Variants in ACVR2B observed in about 807,000 individuals in gnomAD.
The protein encoded by ACVR2B is activin receptor type-2B.
ACVR2B carries 18 observed loss-of-function variants against 65.1 expected under a neutral mutation model. That is an observed-to-expected ratio of 0.28 (90% CI 0.19 to 0.41). The LOEUF (loss-of-function observed/expected upper bound fraction) is 0.41, where lower values mean the gene tolerates loss of function less well. Among genes scored for constraint, ACVR2B ranks in the 10% least tolerant of loss-of-function variants. The pLI, the probability that ACVR2B is intolerant of heterozygous loss-of-function variation, is 1.00. For missense variants in ACVR2B, 482 were observed against 682.7 expected, an observed-to-expected ratio of 0.71 and a Z score of 3.28; for synonymous variants, 298 against 277.7, an observed-to-expected ratio of 1.07 and a Z score of -0.73.
At chr3:38,457,782 G>A (rs189042145) in intron 1 of ACVR2B, among the ~76,000 whole-genome samples, 1 of 152,214 alleles carries the variant, frequency 6.6e-6, no homozygotes, top group Non-Finnish European at 1.5e-5. Context: ...CTGACCCAAA[G>A]AAGTTTCTTG....
At chr3:38,468,678 G>A (rs1311570339) in intron 1 of ACVR2B, among the ~76,000 whole-genome samples, 1 of 152,122 alleles carries the variant, frequency 6.6e-6, no homozygotes, top group Non-Finnish European at 1.5e-5. Context: ...AGGGTTCTGT[G>A]GGGGAAGTCA....
chr3:38,473,586 G>C (rs983763939), intron 1 of ACVR2B: 1 of 152,420 alleles, frequency 6.6e-6, no homozygotes, highest in Non-Finnish European at 1.5e-5. Flanking sequence ...CCTGTGGTGA[G>C]GGAGGGGCAT....
In ACVR2B at chr3:38,453,963, C is replaced by G. The variant is rs1709494287; in HGVS notation, c.-360C>G. 6.7e-6 allele frequency: 1 copy of G among 148,458 alleles called. No individual in the cohort carries two copies. Among genetic ancestry groups the G allele is most frequent in the South Asian group, 2.1e-4 (1 of 4,796 alleles). The allele number at this position is 148,458 out of a possible 1,614,324, so 9.2% of individuals were successfully genotyped here. On this transcript the variant is annotated 5_prime_UTR_variant, in exon 1 of 11. Transcript: ENST00000352511. ...GCTCCCCTCCCCCCCACCCCTCCCC[C>G]CGTTCATGGCCCCTCCGGACTCGGC...
At chr3:38,472,402 A>G (rs533747797) in intron 1 of ACVR2B, among the ~76,000 whole-genome samples, 174 of 152,256 alleles carry the variant, frequency 1.1e-3, no homozygotes, top group Admixed American at 2.0e-3. Flanking sequence ...TGAAGGCTGG[A>G]CACCAGAGGG....
chr3:38,472,869 A>T (rs1709842180), intron 1 of ACVR2B, among the ~76,000 whole-genome samples: 1 of 152,166 alleles, frequency 6.6e-6, no homozygotes, highest in African/African-American at 2.4e-5. Context: ...CATAGTGGGT[A>T]TGTCCAAGGC....
Position 38,477,990 on chromosome 3 carries a change from G to A in ACVR2B, c.370+20G>A. ...CGGAAGGTAAGGGGGCAGTGTGGAA[G>A]TGGGGCCTTGAGTCAGCCGACCTGG... is the stretch of plus-strand genomic sequence containing the variant. On this transcript the variant is annotated intron_variant, in intron 3 of 10. Transcript: ENST00000352511. This position sits in a 1 kb window ranked among gnomAD's most constrained non-coding sequence, Gnocchi z 6.7. 6.2e-7 allele frequency: 1 copy of A among 1,613,110 alleles called. No homozygotes were observed. The highest frequency in any genetic ancestry group is 1.7e-5 in the Admixed American group (1 of 60,018).
rs55986551 is a variant in ACVR2B at position 38,492,731 on chromosome 3, T to TACACACACACAC, written c.*9461_*9472dup. ...AGTGTGCTGATTTATATATATATAT[T>TACACACACACAC]ACACACACACACACACACACACACA... On this transcript the variant is annotated 3_prime_UTR_variant, in exon 11 of 11. Transcript: ENST00000352511. The TACACACACACAC allele has an allele frequency of 3.4e-4, 43 of 124,848 alleles. No individual in the cohort carries two copies. Among genetic ancestry groups the TACACACACACAC allele is most frequent in the Admixed American group, 5.1e-4 (6 of 11,874 alleles). 7.7% of individuals were successfully genotyped at this position (124,848 alleles called of 1,614,324 possible). A position where few individuals can be genotyped will look rare whatever the true frequency, so the allele number is the denominator to read the frequency against.
chr3:38,460,713 G>C (rs1379737027), intron 1 of ACVR2B, among the ~76,000 whole-genome samples: 4 of 152,222 alleles, frequency 2.6e-5, no homozygotes, highest in African/African-American at 7.2e-5. Flanking sequence ...CTTCCCAGGG[G>C]AATGTTGTCT....
In ACVR2B at chr3:38,487,714, A is replaced by G. The variant is rs1237850341; in HGVS notation, c.*4382A>G. On this transcript the variant is annotated 3_prime_UTR_variant, in exon 11 of 11. Coordinates refer to ENST00000352511, the MANE Select transcript of ACVR2B (RefSeq NM_001106.4). ...TAGTATGCAGTATAAAGTTTCCAGC[A>G]TCTATTGGTAACACAAAGATTTGCT... The G allele has an allele frequency of 1.3e-5, 2 of 152,244 alleles. No individual in the cohort carries two copies. Among genetic ancestry groups the G allele is most frequent in the Non-Finnish European group, 2.9e-5 (2 of 68,044 alleles). 9.4% of individuals were successfully genotyped at this position (152,244 alleles called of 1,614,324 possible). A position where few individuals can be genotyped will look rare whatever the true frequency, so the allele number is the denominator to read the frequency against.
rs556613690 is a variant in ACVR2B, at chr3:38,478,169, C to G, written c.399C>G (p.Pro133=). The change falls in exon 4 of 11, where the codon CCC becomes CCG. Residue 133 remains proline, a synonymous_variant. Transcript: ENST00000352511. The part of the protein sequence containing the change: ...EVTYEPPPTA[P]TLLTVLAYSL... ...CGTACGAGCCACCCCCGACAGCCCCCACCCTGCTCACGGTGCTGGCCTACT... is the reference window on the plus strand; with the variant it reads ...CGTACGAGCCACCCCCGACAGCCCCGACCCTGCTCACGGTGCTGGCCTACT... The G allele has an allele frequency of 1.2e-6, 2 of 1,612,806 alleles. No homozygotes were observed. The highest frequency in any genetic ancestry group is 1.7e-6 in the Non-Finnish European group (2 of 1,179,906).
At chr3:38,471,807 G>T (rs903686755) in intron 1 of ACVR2B, among the ~76,000 whole-genome samples, 3 of 152,200 alleles carry the variant, frequency 2.0e-5, no homozygotes, top group Non-Finnish European at 2.9e-5. Context: ...CAGGTTTATC[G>T]TGAGGATTAA....
chr3:38,470,262 A>G (rs143976043), intron 1 of ACVR2B, among the ~76,000 whole-genome samples: 1 of 152,326 alleles, frequency 6.6e-6, no homozygotes, highest in East Asian at 1.9e-4. Flanking sequence ...AATAGTATAA[A>G]TTTAAATATA....
Position 38,486,862 on chromosome 3 carries a change from C to G in ACVR2B, c.*3530C>G, listed in dbSNP as rs547610907. ...AGCAGAAGGAGGAAGCAAGTGAGGA[C>G]AGAGGCCATTGTATTACAGTGTCAC... On this transcript the variant is annotated 3_prime_UTR_variant, in exon 11 of 11. Coordinates refer to ENST00000352511, the MANE Select transcript of ACVR2B (RefSeq NM_001106.4). 1 of 152,318 alleles carries G rather than the reference C, an allele frequency of 6.6e-6. No homozygotes were observed. The highest frequency in any genetic ancestry group is 1.5e-5 in the Non-Finnish European group (1 of 68,142). The allele number at this position is 152,318 out of a possible 1,614,324, so 9.4% of individuals were successfully genotyped here.
At chr3:38,465,911 A>G (rs1188754658) in intron 1 of ACVR2B, among the ~76,000 whole-genome samples, 1 of 152,258 alleles carries the variant, frequency 6.6e-6, no homozygotes, top group African/African-American at 2.4e-5. Context: ...GAAAGCAGCT[A>G]GAGAAAAAAG....
intron 7 of ACVR2B, among the ~76,000 whole-genome samples, chr3:38,480,362 G>A (rs1184224361): frequency 1.3e-5 from 2 of 152,198 alleles, no homozygotes; most frequent in Non-Finnish European, 2.9e-5. Context: ...CACCCTTTAA[G>A]AAACTCTGGA....
Position 38,456,545 on chromosome 3 carries a change from A to G in ACVR2B, c.52+2171A>G, listed in dbSNP as rs1246977683. Among the ~76,000 whole-genome samples, 21 of 152,240 alleles carry G rather than the reference A, an allele frequency of 1.4e-4. 1 individual carries two copies. The highest frequency in any genetic ancestry group is 1.4e-3 in the Admixed American group (21 of 15,288). On this transcript the variant is annotated intron_variant, in intron 1 of 10. Coordinates refer to ENST00000352511, the MANE Select transcript of ACVR2B (RefSeq NM_001106.4). ...TGGGGCTGCCATAACAAAATACTGT[A>G]GACTGGTGGCTTAAACAGCAGAAAT...
chr3:38,472,700 G>C (rs1184750815), intron 1 of ACVR2B, among the ~76,000 whole-genome samples: 1 of 152,158 alleles, frequency 6.6e-6, no homozygotes, highest in Non-Finnish European at 1.5e-5. Context: ...GGAGACACTG[G>C]CTGGACTGGG....
rs1468478684 is a variant in ACVR2B at position 38,491,644 on chromosome 3, G to C, written c.*8312G>C. ...GAGTTTTAACTTGAAAAGTGTCCAA[G>C]TCATCATGAAAGGCCGACTGGGAGC... On this transcript the variant is annotated 3_prime_UTR_variant, in exon 11 of 11. Coordinates refer to ENST00000352511, the MANE Select transcript of ACVR2B (RefSeq NM_001106.4). The C allele has an allele frequency of 6.6e-6, 1 of 152,206 alleles. No homozygotes were observed. The highest frequency in any genetic ancestry group is 1.5e-5 in the Non-Finnish European group (1 of 68,040). 9.4% of individuals were successfully genotyped at this position (152,206 alleles called of 1,614,324 possible).
At chr3:38,465,116 G>A (rs1169718265) in intron 1 of ACVR2B, among the ~76,000 whole-genome samples, 1 of 151,814 alleles carries the variant, frequency 6.6e-6, no homozygotes, top group East Asian at 1.9e-4. Context: ...AGAAGTGTTC[G>A]GGCTGGGCGC....
Sources: allele counts gnomAD v4.1 joint callset (sites outside exome capture counted in the v4.1 genomes callset), GRCh38; gene constraint gnomAD v4.1.1; non-coding constraint Gnocchi (gnomAD v3.1); transcripts MANE v1.5; gene names NCBI Gene and HGNC (gene_info 2026-07-23, HGNC 2026-07-21).